Variants in DHRS11 observed in about 807,000 individuals in gnomAD.
DHRS11 encodes dehydrogenase/reductase 11, also known as dehydrogenase/reductase SDR family member 11.
A neutral mutation model predicts 30.7 loss-of-function variants in DHRS11; 18 were observed. The ratio of observed to expected loss-of-function variants is 0.59; its 90% CI spans 0.41 to 0.87. DHRS11 has a LOEUF of 0.87. Ranked by LOEUF, DHRS11 falls within the 40% of genes least tolerant of loss-of-function variation. The pLI is 0.00. For missense variants in DHRS11, 300 were observed against 349.0 expected (o/e 0.86, Z 1.12); for synonymous variants, 123 against 139.6 (o/e 0.88, Z 0.84).
Position 36,600,120 on chromosome 17 carries a change from G to A in DHRS11, c.742-42G>A, listed in dbSNP as rs764970905. ...GGAGCAGGGAGCCCTGCAGGGCCAG[G>A]GGAGAGTGTCACAGCTGCCTCATGC... On this transcript the variant is annotated intron_variant, in intron 6 of 6. Transcript: ENST00000618403. The A allele has an allele frequency of 3.3e-5, 54 of 1,613,848 alleles. No homozygotes were observed. The Middle Eastern group carries it at 6.6e-4, about 20-fold the overall frequency.
At position 36,592,983 on chromosome 17, in the gene DHRS11, G is replaced by T. The variant is rs1050545756; in HGVS notation, c.147+827G>T. Among the ~76,000 whole-genome samples, 1 of 152,080 alleles carries T rather than the reference G, an allele frequency of 6.6e-6. No individual in the cohort carries two copies. Among genetic ancestry groups the T allele is most frequent in the African/African-American group, 2.4e-5 (1 of 41,396 alleles). ...GGGGGCAGAGGGAGAAGGTATACAG[G>T]AAGGAGGACTGTCCCCTCCCCTGCT... On this transcript the variant is annotated intron_variant, in intron 1 of 6. Coordinates refer to ENST00000618403, the MANE Select transcript of DHRS11 (RefSeq NM_024308.4). This position sits in a 1 kb window ranked among gnomAD's most constrained non-coding sequence, Gnocchi z 4.4.
chr17:36,599,661 G>T lies in DHRS11; in HGVS notation c.583-10G>T, dbSNP rs757013889. 6.2e-7 allele frequency: 1 copy of T among 1,614,176 alleles called. No individual in the cohort carries two copies. Among genetic ancestry groups the T allele is most frequent in the Non-Finnish European group, 8.5e-7 (1 of 1,180,032 alleles). ...CTCAGCCCCTGAGAAGGCCCTCTCT[G>T]TTGGCCCAGTGCATCTCTCCAGGTG... On this transcript the variant is annotated splice_polypyrimidine_tract_variant and intron_variant, in intron 4 of 6. Transcript: ENST00000618403.
chr17:36,599,799 C>T, intron 5 of DHRS11, 36 bp downstream of exon 5: 1 of 1,611,944 alleles, frequency 6.2e-7, no homozygotes, highest in Non-Finnish European at 8.5e-7. Context: ...AAGCCACTGA[C>T]TCCCTAAATG....
At chr17:36,598,604 T>C in intron 3 of DHRS11, 1 of 502,970 alleles carries the variant, frequency 2.0e-6, no homozygotes, top group South Asian at 2.6e-5. Flanking sequence ...ACATGGCCTC[T>C]GCCTGCCTTG....
intron 2 of DHRS11, chr17:36,596,296 G>A (rs1364714710): frequency 2.0e-5 from 3 of 152,544 alleles, no homozygotes; most frequent in African/African-American, 7.2e-5. Flanking sequence ...GAGTAGCTGG[G>A]ACTACAGGCG....
intron 2 of DHRS11, 148 bp downstream of exon 2, chr17:36,595,328 G>C: frequency 1.3e-6 from 1 of 761,918 alleles, no homozygotes; most frequent in South Asian, 1.7e-5. Flanking sequence ...ACTCTCTCTT[G>C]GCTTCTTGCC....
At chr17:36,599,609 C>T in intron 4 of DHRS11, 62 bp from the exon 5 acceptor site, 1 of 1,570,712 alleles carries the variant, frequency 6.4e-7, no homozygotes, top group South Asian at 1.1e-5. Flanking sequence ...CATCCTCTCC[C>T]CTCGACCTCC....
intron 3 of DHRS11, 132 bp downstream of exon 3, chr17:36,598,389 G>C: frequency 1.2e-6 from 1 of 830,036 alleles, no homozygotes; most frequent in Non-Finnish European, 1.9e-6. Flanking sequence ...GCACAATTAT[G>C]GTGAGGGAAA....
rs760600881 is a variant in DHRS11, at chr17:36,594,974, C to G, written c.151C>G (p.Leu51Val). ...CARTVGNIEE[L>V]AAECKSAGYP... The stretch of plus-strand genomic sequence containing the variant: ...AGACCCCTGTTGGGTTTCATAGGAG[C>G]TGGCTGCTGAATGTAAGAGTGCAGG... The change falls in exon 2 of 7, where the codon CTG becomes GTG. Residue 51 changes from leucine (L) to valine (V), a missense_variant. Coordinates refer to ENST00000618403, the MANE Select transcript of DHRS11 (RefSeq NM_024308.4). The G allele has an allele frequency of 3.7e-6, 6 of 1,614,200 alleles. No individual in the cohort carries two copies. The East Asian group carries it at 1.1e-4, about 30-fold the overall frequency.
intron 4 of DHRS11, 99 bp from the exon 5 acceptor site, chr17:36,599,572 A>T: frequency 8.2e-7 from 1 of 1,224,284 alleles, no homozygotes; most frequent in Non-Finnish European, 1.2e-6. Flanking sequence ...GGCAGCCATC[A>T]CTGTGAAGCT....
At chr17:36,598,682 C>T (rs2074830877) in intron 3 of DHRS11, 3 of 553,874 alleles carry the variant, frequency 5.4e-6, no homozygotes, top group African/African-American at 1.9e-5. Flanking sequence ...CATTCTGCAC[C>T]ACCAGGAGAG....
chr17:36,597,993 G>T (rs113450097), intron 2 of DHRS11, 170 bp from the exon 3 acceptor site: 23 of 674,074 alleles, frequency 3.4e-5, no homozygotes, highest in African/African-American at 2.0e-4. Flanking sequence ...AGGGAGAGGG[G>T]CATCTCGTGT....
chr17:36,595,216 G>A, intron 2 of DHRS11, 36 bp downstream of exon 2: 1 of 1,608,748 alleles, frequency 6.2e-7, no homozygotes, highest in Non-Finnish European at 8.5e-7. Flanking sequence ...CAGGTGGAGG[G>A]TGGGGAGGAG....
At chr17:36,595,410 CTTTTTTTT>C (rs34424724) in intron 2 of DHRS11, among the ~76,000 whole-genome samples, 3 of 51,632 alleles carry the variant, frequency 5.8e-5, no homozygotes, top group African/African-American at 1.8e-4. Flanking sequence ...GGAGGTAGTT[CTTTTTTTT>C]TTTTTTTTTT....
chr17:36,600,628 G>T lies in DHRS11; in HGVS notation c.*425G>T. 3.7e-6 allele frequency: 1 copy of T among 266,790 alleles called. No homozygotes were observed. The highest frequency in any genetic ancestry group is 5.1e-5 in the Admixed American group (1 of 19,796). The allele number at this position is 266,790 out of a possible 1,614,324, so 16.5% of individuals were successfully genotyped here. A position where few individuals can be genotyped will look rare whatever the true frequency, so the allele number is the denominator to read the frequency against. ...GGGCTCCAGACTTCCTCCTCTGCCT[G>T]CCCCACTGCACCCTCTCCCCCTTAT... On this transcript the variant is annotated 3_prime_UTR_variant, in exon 7 of 7. Coordinates refer to ENST00000618403, the MANE Select transcript of DHRS11 (RefSeq NM_024308.4).
intron 1 of DHRS11, among the ~76,000 whole-genome samples, chr17:36,594,395 C>T (rs926517126): frequency 2.0e-5 from 3 of 152,092 alleles, no homozygotes; most frequent in African/African-American, 7.2e-5. Context: ...TTCTCTAGGT[C>T]CCTGGCCCCT....
At chr17:36,599,830 C>T (rs961846942) in intron 5 of DHRS11, 67 bp downstream of exon 5, 7 of 1,601,490 alleles carry the variant, frequency 4.4e-6, no homozygotes, top group Admixed American at 3.4e-5. Context: ...GAAGCTCGGC[C>T]TTCAGACTCC....
rs115322144 is a variant in DHRS11 at position 36,594,347 on chromosome 17, T to A, written c.148-624T>A. Among the ~76,000 whole-genome samples, 144 of 152,282 alleles carry A rather than the reference T, an allele frequency of 9.5e-4. 2 individuals carry two copies. The highest frequency in any genetic ancestry group is 3.4e-3 in the African/African-American group (143 of 41,546). ...TATTACCTATGGGCAGAAGAGGTGT[T>A]CCTGTTGAGGAAGAGGCAGAAAAGA... On this transcript the variant is annotated intron_variant, in intron 1 of 6. Transcript: ENST00000618403.
At position 36,592,245 on chromosome 17, in the gene DHRS11, C is replaced by G. The variant is rs1187651621; in HGVS notation, c.147+89C>G. ...GCCCGCCACGCCGGGGCCCTTTGCT[C>G]TAGTCGGGGCGGCCTCTCGGATCCC... On this transcript the variant is annotated intron_variant, in intron 1 of 6. Transcript: ENST00000618403. This position sits in a 1 kb window ranked among gnomAD's most constrained non-coding sequence, Gnocchi z 4.4. The G allele has an allele frequency of 4.1e-6, 5 of 1,220,790 alleles. No individual in the cohort carries two copies. The highest frequency in any genetic ancestry group is 5.1e-6 in the Non-Finnish European group (5 of 978,732). 75.6% of individuals were successfully genotyped at this position (1,220,790 alleles called of 1,614,324 possible). A position where few individuals can be genotyped will look rare whatever the true frequency, so the allele number is the denominator to read the frequency against.
Sources: allele counts gnomAD v4.1 joint callset (sites outside exome capture counted in the v4.1 genomes callset), GRCh38; gene constraint gnomAD v4.1.1; non-coding constraint Gnocchi (gnomAD v3.1); transcripts MANE v1.5; gene names NCBI Gene and HGNC (gene_info 2026-07-23, HGNC 2026-07-21).